Variants in TNFRSF19 observed in about 807,000 individuals in gnomAD.
The protein encoded by TNFRSF19 is tumor necrosis factor receptor superfamily member 19.
In TNFRSF19, 27 loss-of-function variants were observed where a neutral mutation model predicts 46.4. The ratio of observed to expected loss-of-function variants is 0.58; its 90% CI spans 0.43 to 0.80. TNFRSF19 has a LOEUF of 0.80. Ranked by LOEUF, TNFRSF19 falls within the 30% of genes least tolerant of loss-of-function variation. The pLI, the probability that TNFRSF19 is intolerant of heterozygous loss-of-function variation, is 0.00. For missense variants in TNFRSF19, 511 were observed against 530.8 expected (o/e 0.96, Z 0.37); for synonymous variants, 204 against 205.0 (o/e 1.00, Z 0.04).
At chr13:23,641,894 C>A (rs9507126) in intron 5 of TNFRSF19, among the ~76,000 whole-genome samples, 39,420 of 152,002 alleles carry the variant, frequency 0.26, 5,508 homozygotes, top group Non-Finnish European at 0.32. Flanking sequence ...CTTACCCTAG[C>A]CTGCTTTAAA....
At chr13:23,640,268 C>T (rs1882954173) in intron 5 of TNFRSF19, among the ~76,000 whole-genome samples, 1 of 152,186 alleles carries the variant, frequency 6.6e-6, no homozygotes, top group Non-Finnish European at 1.5e-5. Context: ...TGACTTCTAG[C>T]TTACTTTTAA....
intron 1 of TNFRSF19, among the ~76,000 whole-genome samples, chr13:23,575,932 T>C (rs1008272666): frequency 1.3e-5 from 2 of 152,190 alleles, no homozygotes; most frequent in Non-Finnish European, 2.9e-5. Context: ...GCTCAGATAT[T>C]GCTAAAACTA....
At chr13:23,581,850 T>A (rs1878459316) in intron 1 of TNFRSF19, among the ~76,000 whole-genome samples, 1 of 152,142 alleles carries the variant, frequency 6.6e-6, no homozygotes, top group Admixed American at 6.5e-5. Flanking sequence ...GCATCTTTAG[T>A]AGGTGAAAAA....
chr13:23,669,170 A>C, intron 9 of TNFRSF19, 73 bp downstream of exon 9: 1 of 1,516,792 alleles, frequency 6.6e-7, no homozygotes, highest in Non-Finnish European at 8.8e-7. Flanking sequence ...TCCCAGCATA[A>C]GATTTGGGGG....
chr13:23,600,741 A>G (rs1189344462), intron 3 of TNFRSF19, among the ~76,000 whole-genome samples: 2 of 152,142 alleles, frequency 1.3e-5, no homozygotes, highest in Non-Finnish European at 2.9e-5. Flanking sequence ...CATTTAAGGG[A>G]GAGGCACTGG....
At chr13:23,618,645 G>A (rs2138265787) in intron 4 of TNFRSF19, among the ~76,000 whole-genome samples, 1 of 152,304 alleles carries the variant, frequency 6.6e-6, no homozygotes, top group Admixed American at 6.5e-5. Flanking sequence ...CACGTGACCT[G>A]ACAGTTTGAC....
intron 3 of TNFRSF19, among the ~76,000 whole-genome samples, chr13:23,600,034 G>A (rs1384818240): frequency 6.6e-6 from 1 of 152,178 alleles, no homozygotes; most frequent in Non-Finnish European, 1.5e-5. Flanking sequence ...TGAGACATGA[G>A]TGAATAGTTT....
chr13:23,651,814 G>A (rs1437647053), intron 5 of TNFRSF19, among the ~76,000 whole-genome samples: 1 of 124,850 alleles, frequency 8.0e-6, no homozygotes, highest in African/African-American at 3.0e-5. Flanking sequence ...TACAGAATCT[G>A]AACCAGTAAT....
intron 1 of TNFRSF19, among the ~76,000 whole-genome samples, chr13:23,578,972 C>A (rs900506216): frequency 3.3e-5 from 5 of 152,222 alleles, no homozygotes; most frequent in African/African-American, 9.6e-5. Flanking sequence ...TGAGCTCAGG[C>A]GCAGCAGCGC....
chr13:23,596,452 T>G (rs1879733115), intron 3 of TNFRSF19, among the ~76,000 whole-genome samples: 1 of 152,032 alleles, frequency 6.6e-6, no homozygotes, highest in African/African-American at 2.4e-5. Context: ...GCAATCCTAG[T>G]CTCTGATAAA....
At chr13:23,649,336 G>A (rs1014841704) in intron 5 of TNFRSF19, among the ~76,000 whole-genome samples, 19 of 151,914 alleles carry the variant, frequency 1.3e-4, no homozygotes, top group Non-Finnish European at 2.6e-4. Context: ...TATCTAATTT[G>A]TCCAATTTGT....
Position 23,650,893 on chromosome 13 carries a change from C to T in TNFRSF19, c.446-8157C>T, listed in dbSNP as rs548739135. On this transcript the variant is annotated intron_variant, in intron 5 of 9. Transcript: ENST00000248484. ...ATATAAAAAACATAAATGACGAAGC[C>T]TTCTTCTTTCACATGTATCCAGTGT... Among the ~76,000 whole-genome samples, 19 of 152,252 alleles carry T rather than the reference C, an allele frequency of 1.2e-4. No homozygotes were observed. The South Asian group carries it at 3.1e-3, about 25-fold the overall frequency.
chr13:23,595,549 A>G (rs142185521), intron 3 of TNFRSF19, among the ~76,000 whole-genome samples: 2 of 152,352 alleles, frequency 1.3e-5, no homozygotes, highest in East Asian at 3.9e-4. Flanking sequence ...GCGTGAAGAC[A>G]AGATTAGAGA....
chr13:23,605,509 A>C (rs2138223536), intron 3 of TNFRSF19, among the ~76,000 whole-genome samples: 1 of 152,334 alleles, frequency 6.6e-6, no homozygotes, highest in East Asian at 1.9e-4. Context: ...AGATACCTGC[A>C]CACAGATACT....
intron 5 of TNFRSF19, among the ~76,000 whole-genome samples, chr13:23,657,199 A>G (rs1350449799): frequency 1.3e-5 from 2 of 152,232 alleles, no homozygotes; most frequent in South Asian, 2.1e-4. Context: ...TGTGTGGCCT[A>G]GAATCACTGA....
intron 1 of TNFRSF19, among the ~76,000 whole-genome samples, chr13:23,579,934 C>T (rs1344519774): frequency 1.3e-5 from 2 of 151,336 alleles, no homozygotes; most frequent in Non-Finnish European, 2.9e-5. Context: ...AGCCAGCGCG[C>T]GGCTGCAGGG....
At chr13:23,592,535 T>C (rs1183130701) in intron 2 of TNFRSF19, among the ~76,000 whole-genome samples, 1 of 152,194 alleles carries the variant, frequency 6.6e-6, no homozygotes, top group Non-Finnish European at 1.5e-5. Context: ...ACATTTTCCA[T>C]TTAAGTCCTA....
chr13:23,582,629 AAACTG>A (rs1225592153), intron 1 of TNFRSF19, among the ~76,000 whole-genome samples: 1 of 152,232 alleles, frequency 6.6e-6, no homozygotes, highest in Non-Finnish European at 1.5e-5. Context: ...ACATACTGTG[AAACTG>A]CCAACACAAT....
intron 5 of TNFRSF19, among the ~76,000 whole-genome samples, chr13:23,633,801 A>G (rs544817221): frequency 2.5e-4 from 38 of 152,356 alleles, no homozygotes; most frequent in African/African-American, 8.2e-4. Flanking sequence ...GTGAGCCGAG[A>G]TCGTACCGTT....
Sources: gnomAD v4.1 joint callset for allele counts (sites outside exome capture counted in the v4.1 genomes callset) on GRCh38, gnomAD v4.1.1 for gene constraint, MANE v1.5 for transcripts, NCBI Gene and HGNC (gene_info 2026-07-23, HGNC 2026-07-21) for gene names.